The following MBTD1 variants were observed in gnomAD, a reference collection of about 807,000 sequenced individuals.
MBTD1 encodes the protein mbt domain containing 1, also known as MBT domain-containing protein 1.
A neutral mutation model predicts 87.8 loss-of-function variants in MBTD1; 24 were observed. The observed-to-expected ratio is 0.27, with a 90% CI of 0.20 to 0.38. MBTD1 has a LOEUF of 0.38. MBTD1 is among the 10% of genes least tolerant of loss of function. The pLI is 1.00. For missense variants in MBTD1, 436 were observed against 760.2 expected, an observed-to-expected ratio of 0.57 and a Z score of 5.02; for synonymous variants, 237 against 248.6, an observed-to-expected ratio of 0.95 and a Z score of 0.44.
chr17:51,197,041 GATATATATATATATATAT>G (rs71149351), intron 12 of MBTD1, among the ~76,000 whole-genome samples: 4 of 87,622 alleles, frequency 4.6e-5, no homozygotes, highest in Admixed American at 2.8e-4. Flanking sequence ...ATATATACAA[GATATATATATATATATAT>G]ATATATATAT....
intron 2 of MBTD1, among the ~76,000 whole-genome samples, chr17:51,225,946 T>C (rs2053191599): frequency 6.6e-6 from 1 of 151,544 alleles, no homozygotes; most frequent in Non-Finnish European, 1.5e-5. Context: ...ACCCAGCTAA[T>C]TTTCGTATTT....
At chr17:51,211,850 GATA>G (rs1209371675) in intron 6 of MBTD1, among the ~76,000 whole-genome samples, 2 of 151,602 alleles carry the variant, frequency 1.3e-5, no homozygotes, top group African/African-American at 4.8e-5. Context: ...CTGAGAAATA[GATA>G]ATGAGTTTTA....
chr17:51,237,307 A>G (rs2053903294), intron 2 of MBTD1, among the ~76,000 whole-genome samples: 1 of 151,616 alleles, frequency 6.6e-6, no homozygotes, highest in African/African-American at 2.4e-5. Context: ...AAAAAAAAAA[A>G]AAAAAAAAGA....
rs1269036472 is a variant in MBTD1 at position 51,197,103 on chromosome 17, T to G, written c.1225-1742A>C. Among the ~76,000 whole-genome samples, 16 of 30,256 alleles carry G rather than the reference T, an allele frequency of 5.3e-4. 2 individuals carry two copies. Among genetic ancestry groups the G allele is most frequent in the Non-Finnish European group, 9.3e-4 (16 of 17,212 alleles). 19.8% of individuals were successfully genotyped at this position (30,256 alleles called of 152,430 possible). A position where few individuals can be genotyped will look rare whatever the true frequency, so the allele number is the denominator to read the frequency against. On this transcript the variant is annotated intron_variant, in intron 12 of 16. Transcript: ENST00000586178. ...ATATATATATATATATATATATATATATATATATATATATGGAGGACGGAG... is the reference window on the plus strand; with the variant it reads ...ATATATATATATATATATATATATAGATATATATATATATGGAGGACGGAG...
At chr17:51,229,529 G>A (rs1218162126) in intron 2 of MBTD1, among the ~76,000 whole-genome samples, 1 of 152,056 alleles carries the variant, frequency 6.6e-6, no homozygotes, top group African/African-American at 2.4e-5. Context: ...TGTATCAGGT[G>A]CAGCTATGAA....
rs1568133937 is a variant in MBTD1, at chr17:51,178,602, T to TA, written c.*1973dup. 1 of 152,318 alleles carries TA rather than the reference T, an allele frequency of 6.6e-6. No homozygotes were observed. Among genetic ancestry groups the TA allele is most frequent in the South Asian group, 2.1e-4 (1 of 4,820 alleles). 9.4% of individuals were successfully genotyped at this position (152,318 alleles called of 1,614,324 possible). On this transcript the variant is annotated 3_prime_UTR_variant, in exon 17 of 17. Coordinates refer to ENST00000586178, the MANE Select transcript of MBTD1 (RefSeq NM_017643.3). ...GGGTTTAATTCAGTGAGCCTGAGAA[T>TA]AAAGACTGCTCTAACCCTTGCTTTG...
intron 2 of MBTD1, chr17:51,249,465 T>G (rs781197052): frequency 3.3e-5 from 5 of 152,216 alleles, no homozygotes; most frequent in Non-Finnish European, 5.9e-5. Flanking sequence ...AACTGTGAAT[T>G]CTTTGTTGTG....
intron 2 of MBTD1, among the ~76,000 whole-genome samples, chr17:51,244,514 G>A (rs567234844): frequency 2.3e-4 from 35 of 151,090 alleles, no homozygotes; most frequent in South Asian, 1.5e-3. Context: ...TTCAAGTGAT[G>A]CTTGTGCCTC....
chr17:51,206,304 C>G (rs893771350), intron 7 of MBTD1, among the ~76,000 whole-genome samples: 2 of 152,056 alleles, frequency 1.3e-5, no homozygotes, highest in Non-Finnish European at 2.9e-5. Context: ...GAATGGGTCT[C>G]GCTATTTTGC....
intron 2 of MBTD1, among the ~76,000 whole-genome samples, chr17:51,249,275 G>T (rs2054634384): frequency 6.6e-6 from 1 of 151,818 alleles, no homozygotes; most frequent in Non-Finnish European, 1.5e-5. Flanking sequence ...GTATATTCTT[G>T]ATTATTAGGG....
At position 51,180,346 on chromosome 17, in the gene MBTD1, C is replaced by A; in HGVS notation, c.*230G>T. 1 of 399,138 alleles carries A rather than the reference C, an allele frequency of 2.5e-6. No homozygotes were observed. The allele number at this position is 399,138 out of a possible 1,614,324, so 24.7% of individuals were successfully genotyped here. ...CTTGGAAAATATTACAAAATTCTTTCAAAAGCTTCAAATACAACACAAAAA... is the reference window on the plus strand; with the variant it reads ...CTTGGAAAATATTACAAAATTCTTTAAAAAGCTTCAAATACAACACAAAAA... On this transcript the variant is annotated 3_prime_UTR_variant, in exon 17 of 17. Coordinates refer to ENST00000586178, the MANE Select transcript of MBTD1 (RefSeq NM_017643.3).
intron 12 of MBTD1, among the ~76,000 whole-genome samples, chr17:51,196,904 A>AT (rs976717717): frequency 1.3e-5 from 2 of 150,772 alleles, no homozygotes; most frequent in African/African-American, 4.9e-5. Context: ...GGGAAAAAAA[A>AT]TTTTTTTTCC....
intron 3 of MBTD1, among the ~76,000 whole-genome samples, chr17:51,224,741 A>C (rs1349689876): frequency 6.6e-6 from 1 of 152,204 alleles, no homozygotes; most frequent in African/African-American, 2.4e-5. Context: ...TCAGTTACAG[A>C]GGCATTTCTT....
intron 4 of MBTD1, among the ~76,000 whole-genome samples, 166 bp downstream of exon 4, chr17:51,220,164 T>C (rs1802707044): frequency 1.3e-5 from 2 of 152,250 alleles, no homozygotes; most frequent in South Asian, 2.1e-4. Flanking sequence ...TTTTTCAATT[T>C]TATAGGCTGA....
intron 2 of MBTD1, among the ~76,000 whole-genome samples, chr17:51,235,136 C>T (rs572217196): frequency 2.4e-4 from 30 of 124,784 alleles, no homozygotes; most frequent in Non-Finnish European, 3.9e-4. Flanking sequence ...ATATAGGATG[C>T]AATTTTTTTT....
At chr17:51,223,144 A>C (rs2053010820) in intron 3 of MBTD1, among the ~76,000 whole-genome samples, 1 of 152,106 alleles carries the variant, frequency 6.6e-6, no homozygotes, top group African/African-American at 2.4e-5. Flanking sequence ...GAATAGGACC[A>C]ACAGGGCAGA....
intron 14 of MBTD1, 87 bp from the exon 15 acceptor site, chr17:51,193,103 C>T (rs959947359): frequency 2.5e-6 from 2 of 806,246 alleles, no homozygotes; most frequent in Admixed American, 2.2e-5. Flanking sequence ...AAAACAGAAG[C>T]GACTAGCTAA....
intron 5 of MBTD1, among the ~76,000 whole-genome samples, chr17:51,218,186 TCTC>T (rs999261005): frequency 2.6e-5 from 4 of 152,090 alleles, no homozygotes; most frequent in Non-Finnish European, 5.9e-5. Flanking sequence ...CTCTTATTGC[TCTC>T]CTCATTATTT....
intron 8 of MBTD1, among the ~76,000 whole-genome samples, chr17:51,203,525 C>T (rs2051617825): frequency 6.6e-6 from 1 of 152,112 alleles, no homozygotes; most frequent in South Asian, 2.1e-4. Flanking sequence ...AGCGATTCTT[C>T]TGCCTCAGCC....
Sources: allele counts gnomAD v4.1 joint callset (sites outside exome capture counted in the v4.1 genomes callset), GRCh38; gene constraint gnomAD v4.1.1; transcripts MANE v1.5; gene names NCBI Gene and HGNC (gene_info 2026-07-23, HGNC 2026-07-21).